The following CACHD1 variants were observed in gnomAD, a reference collection of about 807,000 sequenced individuals.
CACHD1 encodes the protein cache domain containing 1, also known as VWFA and cache domain-containing protein 1.
CACHD1 carries 71 observed loss-of-function variants against 138.7 expected under a neutral mutation model. The ratio of observed to expected loss-of-function variants is 0.51; its 90% CI spans 0.42 to 0.62. The LOEUF (loss-of-function observed/expected upper bound fraction) is 0.62. CACHD1 is among the 20% of genes least tolerant of loss of function. The pLI is 0.00. For missense variants in CACHD1, 1,389 were observed against 1,625.3 expected (o/e 0.85, Z 2.50); for synonymous variants, 578 against 591.5 (o/e 0.98, Z 0.33).
chr1:64,471,648 C>A (rs1646145683), intron 1 of CACHD1, among the ~76,000 whole-genome samples: 1 of 152,198 alleles, frequency 6.6e-6, no homozygotes, highest in Non-Finnish European at 1.5e-5. Context: ...TTCCGCATAT[C>A]CTGCTGTAGT....
chr1:64,604,682 T>C (rs1265917788), intron 4 of CACHD1, among the ~76,000 whole-genome samples: 2 of 152,202 alleles, frequency 1.3e-5, no homozygotes, highest in African/African-American at 4.8e-5. Flanking sequence ...AGATAGAGTC[T>C]TGCTATGTTG....
chr1:64,561,906 A>G (rs1646843113), intron 2 of CACHD1, among the ~76,000 whole-genome samples: 1 of 127,390 alleles, frequency 7.8e-6, no homozygotes, highest in African/African-American at 2.7e-5. Context: ...CTTAAAAGAT[A>G]TTTTTGCTTT....
intron 2 of CACHD1, among the ~76,000 whole-genome samples, chr1:64,568,057 CTT>C (rs1260066410): frequency 6.6e-6 from 1 of 152,142 alleles, no homozygotes; most frequent in Non-Finnish European, 1.5e-5. Context: ...CTTGATGACT[CTT>C]TTGTCTTTCT....
chr1:64,601,816 A>C (rs1032037259), intron 3 of CACHD1, among the ~76,000 whole-genome samples: 1 of 152,248 alleles, frequency 6.6e-6, no homozygotes, highest in Non-Finnish European at 1.5e-5. Context: ...TTACATTTTA[A>C]CACAAATTTT....
At chr1:64,529,000 A>C (rs1413628403) in intron 1 of CACHD1, among the ~76,000 whole-genome samples, 1 of 152,116 alleles carries the variant, frequency 6.6e-6, no homozygotes, top group East Asian at 1.9e-4. Flanking sequence ...ATTGGGTTAT[A>C]TTCTGTTCTA....
chr1:64,538,787 T>C (rs774083568), intron 1 of CACHD1, among the ~76,000 whole-genome samples: 2 of 152,232 alleles, frequency 1.3e-5, no homozygotes, highest in Non-Finnish European at 2.9e-5. Context: ...TGAACACTTC[T>C]TCAGAAAAAC....
chr1:64,684,009 T>G (rs894830492), intron 26 of CACHD1, among the ~76,000 whole-genome samples: 1 of 152,240 alleles, frequency 6.6e-6, no homozygotes, highest in African/African-American at 2.4e-5. Flanking sequence ...TGCACAGTTA[T>G]GCACTGCATA....
intron 1 of CACHD1, among the ~76,000 whole-genome samples, chr1:64,511,269 C>T (rs955359876): frequency 3.3e-5 from 5 of 152,142 alleles, no homozygotes; most frequent in Non-Finnish European, 5.9e-5. Flanking sequence ...GAAATCCTCA[C>T]GAGAGGAAGT....
chr1:64,582,589 G>A (rs1049730430), intron 3 of CACHD1, among the ~76,000 whole-genome samples: 13 of 152,128 alleles, frequency 8.5e-5, no homozygotes, highest in African/African-American at 3.1e-4. Flanking sequence ...TCTAAATCTA[G>A]AAAATTGGAA....
chr1:64,682,359 C>G (rs1445975901), intron 26 of CACHD1, among the ~76,000 whole-genome samples: 1 of 151,972 alleles, frequency 6.6e-6, no homozygotes, highest in South Asian at 2.1e-4. Flanking sequence ...ACTTGCTTTT[C>G]CATAAAATCA....
intron 24 of CACHD1, among the ~76,000 whole-genome samples, 188 bp downstream of exon 24, chr1:64,679,944 C>T (rs969774490): frequency 5.3e-5 from 8 of 152,196 alleles, no homozygotes; most frequent in Non-Finnish European, 1.2e-4. Context: ...TTTTGATCCC[C>T]GGAAAAATCC....
chr1:64,614,419 C>T (rs944674512), intron 4 of CACHD1, among the ~76,000 whole-genome samples: 3 of 151,990 alleles, frequency 2.0e-5, no homozygotes, highest in African/African-American at 7.3e-5. Flanking sequence ...GGTCTAGACA[C>T]CTGGATGGAC....
At chr1:64,508,242 A>G (rs1646392279) in intron 1 of CACHD1, among the ~76,000 whole-genome samples, 1 of 152,222 alleles carries the variant, frequency 6.6e-6, no homozygotes, top group African/African-American at 2.4e-5. Context: ...CCGTCTTCCA[A>G]CATTGGGGTT....
intron 1 of CACHD1, among the ~76,000 whole-genome samples, chr1:64,522,468 C>T (rs536138799): frequency 2.6e-5 from 4 of 152,120 alleles, no homozygotes; most frequent in South Asian, 2.1e-4. Flanking sequence ...CAACCACGAC[C>T]GGCTAAATTT....
chr1:64,524,553 G>A (rs1162953613), intron 1 of CACHD1, among the ~76,000 whole-genome samples: 1 of 152,104 alleles, frequency 6.6e-6, no homozygotes, highest in African/African-American at 2.4e-5. Context: ...GCACTTAACT[G>A]TATAAAAATA....
At position 64,653,818 on chromosome 1, in the gene CACHD1, A is replaced by C. The variant is rs771111351; in HGVS notation, c.1601A>C (p.His534Pro). The change falls in exon 11 of 27, where the codon CAT (histidine) becomes CCT (proline). Residue 534 changes from histidine (H) to proline (P), a missense_variant. Physicochemically the swap from His to Pro is moderately conservative, Grantham distance 77 (BLOSUM62 -2). This residue lies in a region of CACHD1 where 1,000 missense variants were observed against 1,114.7 expected (regional missense o/e 0.90). Coordinates refer to ENST00000651257, the MANE Select transcript of CACHD1 (RefSeq NM_020925.4). ...RPYLLSEPPLHTDIIHYENIP... is the reference protein window; with the variant it reads ...RPYLLSEPPLPTDIIHYENIP... Reference sequence around the variant, plus strand: ...TATTTATTGTCAGAGCCCCCACTTCATACTGACATCATACATTATGAAAAT... The same window carrying C: ...TATTTATTGTCAGAGCCCCCACTTCCTACTGACATCATACATTATGAAAAT... 1.2e-6 allele frequency: 2 copies of C among 1,612,610 alleles called. No individual in the cohort carries two copies. The highest frequency in any genetic ancestry group is 1.1e-5 in the South Asian group (1 of 91,042).
chr1:64,590,842 T>C (rs2100555154), intron 3 of CACHD1, among the ~76,000 whole-genome samples: 1 of 152,352 alleles, frequency 6.6e-6, no homozygotes, highest in Admixed American at 6.5e-5. Flanking sequence ...CTGAGTCATG[T>C]AGTACAAAGA....
intron 1 of CACHD1, among the ~76,000 whole-genome samples, chr1:64,524,399 T>C (rs1646521287): frequency 6.6e-6 from 1 of 152,206 alleles, no homozygotes; most frequent in African/African-American, 2.4e-5. Flanking sequence ...TGGCTCCATG[T>C]CTGCTTTTGT....
At chr1:64,675,657 T>C in intron 20 of CACHD1, 96 bp downstream of exon 20, 5 of 1,417,456 alleles carry the variant, frequency 3.5e-6, no homozygotes, top group South Asian at 2.7e-5. Flanking sequence ...CAGAAAGTGC[T>C]GGTGTGTGTC....
Sources: allele counts gnomAD v4.1 joint callset (sites outside exome capture counted in the v4.1 genomes callset), GRCh38; gene constraint gnomAD v4.1.1; regional missense constraint gnomAD v4.1.1; transcripts MANE v1.5; gene names NCBI Gene and HGNC (gene_info 2026-07-23, HGNC 2026-07-21).